CSGALNACT1: variants seen among roughly 807,000 people sequenced by gnomAD.
CSGALNACT1 encodes the protein beta4GalNAcT-1.
Under a neutral mutation model 51.0 loss-of-function variants are expected in CSGALNACT1, and 52 were observed. The ratio of observed to expected loss-of-function variants is 1.02; its 90% confidence interval spans 0.82 to 1.29. The LOEUF is 1.29. CSGALNACT1 is among the 50% of genes most tolerant of loss of function. CSGALNACT1 has a pLI of 0.00. For missense variants in CSGALNACT1, 935 were observed against 679.2 expected, an observed-to-expected ratio of 1.38 and a Z score of -4.19; for synonymous variants, 341 against 254.4, an observed-to-expected ratio of 1.34 and a Z score of -3.24.
At chr8:19,570,593 G>C (rs2042811011) in intron 3 of CSGALNACT1, among the ~76,000 whole-genome samples, 1 of 152,140 alleles carries the variant, frequency 6.6e-6, no homozygotes, top group Non-Finnish European at 1.5e-5. Context: ...CACGCTGGGA[G>C]GGTTGTTCTA....
intron 1 of CSGALNACT1, among the ~76,000 whole-genome samples, chr8:19,698,328 A>G (rs2061683932): frequency 6.6e-6 from 1 of 152,244 alleles, no homozygotes; most frequent in Non-Finnish European, 1.5e-5. Context: ...GAGGAAACCA[A>G]CAGCTGTGAA....
intron 1 of CSGALNACT1, among the ~76,000 whole-genome samples, chr8:19,620,367 C>T (rs915897078): frequency 1.4e-5 from 2 of 146,044 alleles, no homozygotes; most frequent in African/African-American, 5.0e-5. Context: ...TGACCTACAA[C>T]GAGTACTCAT....
chr8:19,573,883 G>T (rs1437200014), intron 3 of CSGALNACT1, among the ~76,000 whole-genome samples: 3 of 152,180 alleles, frequency 2.0e-5, no homozygotes, highest in Non-Finnish European at 2.9e-5. Flanking sequence ...AAGAGGACTG[G>T]TTCCATCATA....
At chr8:19,558,342 A>G (rs1462090433) in intron 3 of CSGALNACT1, among the ~76,000 whole-genome samples, 1 of 152,142 alleles carries the variant, frequency 6.6e-6, no homozygotes, top group African/African-American at 2.4e-5. Context: ...CCATTCCTCC[A>G]AAGTAGGAAC....
chr8:19,685,260 C>G (rs1459450238), upstream of CSGALNACT1, among the ~76,000 whole-genome samples: 1 of 152,000 alleles, frequency 6.6e-6, no homozygotes, highest in Admixed American at 6.6e-5. Context: ...TCTAACTTAC[C>G]AGCAATGAGC....
At chr8:19,649,375 G>T (rs1435171724) in intron 1 of CSGALNACT1, among the ~76,000 whole-genome samples, 2 of 152,082 alleles carry the variant, frequency 1.3e-5, no homozygotes, top group Non-Finnish European at 2.9e-5. Flanking sequence ...TATTCTCCCT[G>T]AATCTTTGGT....
chr8:19,675,972 G>A (rs1180982605), intron 1 of CSGALNACT1, among the ~76,000 whole-genome samples: 1 of 151,838 alleles, frequency 6.6e-6, no homozygotes, highest in African/African-American at 2.4e-5. Context: ...ACCCAAAGTG[G>A]AAAGCCAGGG....
chr8:19,752,891 A>C (rs1441973895), intron 1 of CSGALNACT1, among the ~76,000 whole-genome samples: 2 of 152,228 alleles, frequency 1.3e-5, no homozygotes, highest in African/African-American at 2.4e-5. Flanking sequence ...AAATTCTAGC[A>C]AACAATTATT....
intron 4 of CSGALNACT1, among the ~76,000 whole-genome samples, chr8:19,489,990 C>T (rs529799557): frequency 1.3e-5 from 2 of 152,246 alleles, no homozygotes; most frequent in African/African-American, 2.4e-5. Flanking sequence ...AGAAAATGAC[C>T]AATTGCCTTC....
At chr8:19,622,690 A>G (rs1343510040) in intron 1 of CSGALNACT1, among the ~76,000 whole-genome samples, 1 of 152,198 alleles carries the variant, frequency 6.6e-6, no homozygotes, top group African/African-American at 2.4e-5. Context: ...AAAGATAAAT[A>G]CACACTCTCT....
chr8:19,620,797 T>C (rs1473333319), intron 1 of CSGALNACT1, among the ~76,000 whole-genome samples: 1 of 151,994 alleles, frequency 6.6e-6, no homozygotes, highest in Non-Finnish European at 1.5e-5. Context: ...GGGTAGTGGG[T>C]GAGAAAGAAT....
intron 4 of CSGALNACT1, among the ~76,000 whole-genome samples, chr8:19,499,631 C>G (rs1259416292): frequency 1.3e-5 from 2 of 152,292 alleles, no homozygotes; most frequent in South Asian, 4.1e-4. Context: ...AGTCCATGGT[C>G]AAAAGAGCTG....
chr8:19,650,188 G>A (rs552522349), intron 1 of CSGALNACT1, among the ~76,000 whole-genome samples: 85 of 152,272 alleles, frequency 5.6e-4, no homozygotes, highest in South Asian at 1.2e-3. Flanking sequence ...CAAGGCACCA[G>A]GCAATACATA....
At chr8:19,467,481 T>A (rs1236756632) in intron 4 of CSGALNACT1, among the ~76,000 whole-genome samples, 3 of 152,086 alleles carry the variant, frequency 2.0e-5, no homozygotes, top group Non-Finnish European at 4.4e-5. Context: ...CTGCAATGTA[T>A]TTCTCACCTC....
At chr8:19,494,432 A>G (rs573922665) in intron 4 of CSGALNACT1, among the ~76,000 whole-genome samples, 22 of 152,172 alleles carry the variant, frequency 1.4e-4, no homozygotes, top group Admixed American at 1.3e-3. Context: ...TGTTCTGTAC[A>G]CTTGTTTAAT....
chr8:19,452,812 A>G (rs1248094830), intron 5 of CSGALNACT1, among the ~76,000 whole-genome samples: 1 of 152,132 alleles, frequency 6.6e-6, no homozygotes, highest in Non-Finnish European at 1.5e-5. Flanking sequence ...GGCAAAACTC[A>G]CATATCCATC....
At chr8:19,546,860 C>T (rs919382205) in intron 3 of CSGALNACT1, among the ~76,000 whole-genome samples, 3 of 152,172 alleles carry the variant, frequency 2.0e-5, no homozygotes, top group African/African-American at 7.2e-5. Flanking sequence ...CTGAGGTCCC[C>T]GGATCAGTGT....
intron 8 of CSGALNACT1, among the ~76,000 whole-genome samples, chr8:19,410,142 C>A (rs2055340800): frequency 6.6e-6 from 1 of 152,208 alleles, no homozygotes; most frequent in Non-Finnish European, 1.5e-5. Context: ...CCTGCTGCCA[C>A]CCTCTCCTGC....
chr8:19,629,699 C>A (rs1253608000), intron 1 of CSGALNACT1, among the ~76,000 whole-genome samples: 1 of 152,182 alleles, frequency 6.6e-6, no homozygotes, highest in Non-Finnish European at 1.5e-5. Flanking sequence ...TGTAAAAGTA[C>A]CTATGCCTCA....
Sources: gnomAD v4.1 joint callset for allele counts (sites outside exome capture counted in the v4.1 genomes callset) on GRCh38, gnomAD v4.1.1 for gene constraint, MANE v1.5 for transcripts, NCBI Gene and HGNC (gene_info 2026-07-23, HGNC 2026-07-21) for gene names.